Variants in RAD21 observed in about 807,000 individuals in gnomAD.
RAD21 encodes double-strand-break repair protein rad21 homolog.
RAD21 carries 18 observed loss-of-function variants against 71.5 expected under a neutral mutation model. That is an observed-to-expected ratio of 0.25 (90% confidence interval 0.17 to 0.37). The LOEUF (loss-of-function observed/expected upper bound fraction) is 0.37. Among genes scored for constraint, RAD21 ranks in the 10% least tolerant of loss-of-function variants. The probability of loss-of-function intolerance (pLI) is 1.00; values close to 1 mark genes in which losing one functional copy is unlikely to be tolerated. For synonymous variants in RAD21, 248 were observed against 254.0 expected, an observed-to-expected ratio of 0.98 and a Z score of 0.22; for missense variants, 493 against 769.1, an observed-to-expected ratio of 0.64 and a Z score of 4.25.
chr8:116,864,271 C>T (rs544294585), intron 2 of RAD21, among the ~76,000 whole-genome samples: 31 of 152,080 alleles, frequency 2.0e-4, no homozygotes, highest in African/African-American at 6.3e-4. Flanking sequence ...TCCCAAACCA[C>T]GCCATAAAGC....
chr8:116,864,922 T>TG (rs1478809232), intron 2 of RAD21, among the ~76,000 whole-genome samples: 2 of 151,960 alleles, frequency 1.3e-5, no homozygotes, highest in Non-Finnish European at 2.9e-5. Flanking sequence ...GTTCTTCCAG[T>TG]GGGGGAGTGG....
At chr8:116,852,754 TA>T in intron 9 of RAD21, 46 bp from the exon 10 acceptor site, 1 of 1,338,974 alleles carries the variant, frequency 7.5e-7, no homozygotes, top group Non-Finnish European at 9.8e-7. Context: ...AAAATAAATC[TA>T]ATTAAAAAGT....
intron 13 of RAD21, 78 bp from the exon 14 acceptor site, chr8:116,847,769 A>C: frequency 7.7e-7 from 1 of 1,294,744 alleles, no homozygotes; most frequent in East Asian, 2.5e-5. Context: ...TACAGTTTGA[A>C]TATTTGTCCC....
At chr8:116,865,430 T>C (rs1024871484) in intron 2 of RAD21, among the ~76,000 whole-genome samples, 1 of 112,480 alleles carries the variant, frequency 8.9e-6, no homozygotes, top group African/African-American at 3.7e-5. Context: ...CCAGTAAGCA[T>C]ACCTATAAAA....
At chr8:116,862,664 G>C (rs1563692457) in intron 3 of RAD21, among the ~76,000 whole-genome samples, 2 of 151,990 alleles carry the variant, frequency 1.3e-5, no homozygotes, top group South Asian at 2.1e-4. Context: ...CTTCTTAGAT[G>C]GTGGTGTGGT....
chr8:116,859,661 C>T (rs1167143080), intron 4 of RAD21, among the ~76,000 whole-genome samples: 1 of 151,888 alleles, frequency 6.6e-6, no homozygotes, highest in African/African-American at 2.4e-5. Context: ...CCCTCCCCCA[C>T]CCCCGCAATG....
At chr8:116,852,186 A>G in intron 10 of RAD21, 90 bp from the exon 11 acceptor site, 2 of 1,175,732 alleles carry the variant, frequency 1.7e-6, no homozygotes, top group Non-Finnish European at 1.2e-6. Context: ...GTACACTAAG[A>G]CATACATAAT....
chr8:116,855,171 G>C (rs1394422508), intron 8 of RAD21, among the ~76,000 whole-genome samples: 1 of 152,044 alleles, frequency 6.6e-6, no homozygotes, highest in Non-Finnish European at 1.5e-5. Flanking sequence ...CACAGTGAGA[G>C]TCTCTCTCTA....
At chr8:116,867,040 T>G (rs1812710137) in intron 1 of RAD21, 1 of 200,658 alleles carries the variant, frequency 5.0e-6, no homozygotes, top group Non-Finnish European at 1.0e-5. Context: ...CTATCTTGAT[T>G]GACAGTAGAA....
chr8:116,856,998 A>C (rs1242083468), intron 6 of RAD21, among the ~76,000 whole-genome samples: 1 of 73,648 alleles, frequency 1.4e-5, no homozygotes, highest in Admixed American at 1.3e-4. Context: ...CTATTTTAAA[A>C]AATATTTTAC....
rs1291365964 is a variant in RAD21 at position 116,846,979 on chromosome 8, CAA to C, written c.*519_*520del. ...ATGGAATTACACTTAAAACGAATCT[CAA>C]GAGGGTGACCATTGTTGTTTCAGAT... On this transcript the variant is annotated 3_prime_UTR_variant, in exon 14 of 14. Coordinates refer to ENST00000297338, the MANE Select transcript of RAD21 (RefSeq NM_006265.3). The C allele has an allele frequency of 4.6e-6, 1 of 217,592 alleles. No homozygotes were observed. The highest frequency in any genetic ancestry group is 2.2e-5 in the African/African-American group (1 of 44,520). 13.5% of individuals were successfully genotyped at this position (217,592 alleles called of 1,614,324 possible).
rs1375675162 is a variant in RAD21, at chr8:116,856,748, CATT to C, written c.709_711del (p.Asn237del). Reference sequence around the variant, plus strand: ...GGGGGATCATCAAAGATACCGCCATCATTATTACTAATAAGTTTGTCATCTGAA... The same window carrying C: ...GGGGGATCATCAAAGATACCGCCATCATTACTAATAAGTTTGTCATCTGAA... On this transcript the variant is annotated inframe_deletion, in exon 7 of 14. Transcript: ENST00000297338. 2 of 1,540,800 alleles carry C rather than the reference CATT, an allele frequency of 1.3e-6. No individual in the cohort carries two copies. The highest frequency in any genetic ancestry group is 1.7e-6 in the Non-Finnish European group (2 of 1,143,072).
intron 1 of RAD21, among the ~76,000 whole-genome samples, chr8:116,867,398 A>G (rs149749525): frequency 5.0e-4 from 76 of 152,334 alleles, no homozygotes; most frequent in African/African-American, 1.8e-3. Context: ...TAATTTAAAT[A>G]TTAAATCAGG....
chr8:116,852,723 A>G lies in RAD21; in HGVS notation c.1162-15T>C, dbSNP rs767733156. 4 of 1,476,026 alleles carry G rather than the reference A, an allele frequency of 2.7e-6. No individual in the cohort carries two copies. The highest frequency in any genetic ancestry group is 2.4e-5 in the East Asian group (1 of 41,210). The allele number at this position is 1,476,026 out of a possible 1,614,324, so 91.4% of individuals were successfully genotyped here. ...CGTGTAAAGAGCTATTAAAAAAAAA[A>G]AAAAGAAAAATTTCAATTATAAAAT... On this transcript the variant is annotated splice_polypyrimidine_tract_variant and intron_variant, in intron 9 of 13. Coordinates refer to ENST00000297338, the MANE Select transcript of RAD21 (RefSeq NM_006265.3).
intron 7 of RAD21, 69 bp downstream of exon 7, chr8:116,856,577 C>G: frequency 2.0e-6 from 3 of 1,467,326 alleles, no homozygotes; most frequent in Non-Finnish European, 2.7e-6. Flanking sequence ...AGTTTGTCAT[C>G]TTCTATGGTA....
At chr8:116,874,394 TGGGTCCGGGCCGAGGGC>T (rs1418184849) in intron 1 of RAD21, 200 bp downstream of exon 1, 1 of 177,130 alleles carries the variant, frequency 5.6e-6, no homozygotes. Context: ...CCAAGCTGCA[TGGGTCCGGGCCGAGGGC>T]GGGCCCGGGG....
Position 116,872,539 on chromosome 8 carries a change from TACACACACAC to T in RAD21, c.-33+2062_-33+2071del, listed in dbSNP as rs5894355. On this transcript the variant is annotated intron_variant, in intron 1 of 13. Transcript: ENST00000297338. Reference sequence around the variant, plus strand: ...GTACTGTTTGATATATATATATACATACACACACACACACACACACACACACATATTTTAA... The same window carrying T: ...GTACTGTTTGATATATATATATACATACACACACACACACACATATTTTAA... Among the ~76,000 whole-genome samples, 39 of 148,352 alleles carry T rather than the reference TACACACACAC, an allele frequency of 2.6e-4. No homozygotes were observed. In the Middle Eastern group the frequency reaches 0.011, roughly 40 times the overall value.
At chr8:116,849,271 TCTATA>T in intron 12 of RAD21, 1 of 412,178 alleles carries the variant, frequency 2.4e-6, no homozygotes, top group Non-Finnish European at 4.3e-6. Context: ...AAAGTATGCT[TCTATA>T]TTGCGCTATA....
Position 116,850,699 on chromosome 8 carries a change from A to G in RAD21, c.1539T>C (p.Cys513=). 6.2e-7 allele frequency: 1 copy of G among 1,613,542 alleles called. No homozygotes were observed. The part of the protein sequence containing the change: ...ELPPEEPPNI[C]QLIPELELLP... ...GAAGTTCTAACTCTGGTATTAGCTG[A>G]CAGATATTTGGAGGTTCTTCTGGGG... The change falls in exon 12 of 14, where the codon TGT becomes TGC. Residue 513 remains cysteine (C), a synonymous_variant. Coordinates refer to ENST00000297338, the MANE Select transcript of RAD21 (RefSeq NM_006265.3).
Sources: gnomAD v4.1 joint callset for allele counts (sites outside exome capture counted in the v4.1 genomes callset) on GRCh38, gnomAD v4.1.1 for gene constraint, MANE v1.5 for transcripts, NCBI Gene and HGNC (gene_info 2026-07-23, HGNC 2026-07-21) for gene names.